Variants in C12orf42 observed in about 807,000 individuals in gnomAD.
C12orf42 encodes uncharacterized protein C12orf42.
Under a neutral mutation model 21.6 loss-of-function variants are expected in C12orf42, and 25 were observed. The ratio of observed to expected loss-of-function variants is 1.16; its 90% CI spans 0.84 to 1.62. The LOEUF (loss-of-function observed/expected upper bound fraction) is 1.62. Ranked by LOEUF, C12orf42 falls within the 40% of genes most tolerant of loss-of-function variation. The pLI is 0.00. For missense variants in C12orf42, 483 were observed against 459.3 expected (o/e 1.05, Z -0.47); for synonymous variants, 174 against 175.0 (o/e 0.99, Z 0.05).
the C12orf42 span, among the ~76,000 whole-genome samples, chr12:103,196,840 T>C: frequency 2.6e-5 from 4 of 152,136 alleles, no homozygotes; most frequent in East Asian, 7.7e-4. Context: ...ATGAAGATAA[T>C]ATACAGTTGG....
At chr12:103,116,370 G>GAAA in the C12orf42 span, among the ~76,000 whole-genome samples, 15 of 128,658 alleles carry the variant, frequency 1.2e-4, no homozygotes, top group South Asian at 7.5e-4. Flanking sequence ...ATCTCACCAA[G>GAAA]AAAAAAAAAA....
the C12orf42 span, among the ~76,000 whole-genome samples, chr12:103,119,864 T>C: frequency 3.3e-5 from 5 of 152,244 alleles, no homozygotes; most frequent in African/African-American, 1.2e-4. Context: ...GCAGTCAGTT[T>C]TGCCATTTCA....
intron 4 of C12orf42, among the ~76,000 whole-genome samples, chr12:103,292,754 TTAAA>T (rs1336778848): frequency 6.6e-6 from 1 of 152,090 alleles, no homozygotes; most frequent in Non-Finnish European, 1.5e-5. Flanking sequence ...GTATTCATCT[TTAAA>T]TATATTTTGA....
chr12:103,325,709 A>G (rs2040610679), intron 4 of C12orf42, among the ~76,000 whole-genome samples: 1 of 152,158 alleles, frequency 6.6e-6, no homozygotes, highest in Non-Finnish European at 1.5e-5. Flanking sequence ...TATTGGCCCC[A>G]ATTCTTCACC....
chr12:103,118,580 C>A, the C12orf42 span, among the ~76,000 whole-genome samples: 39 of 152,046 alleles, frequency 2.6e-4, no homozygotes, highest in Non-Finnish European at 1.2e-4. Flanking sequence ...GGGCGGATCA[C>A]GAGGTCAGGA....
intron 1 of C12orf42, among the ~76,000 whole-genome samples, chr12:103,486,738 T>C (rs890698784): frequency 1.3e-5 from 2 of 152,206 alleles, no homozygotes; most frequent in African/African-American, 4.8e-5. Context: ...ATTTTCTAGC[T>C]TATTTGTGTA....
chr12:103,284,735 C>T (rs1433001222), intron 4 of C12orf42, among the ~76,000 whole-genome samples: 3 of 152,192 alleles, frequency 2.0e-5, no homozygotes, highest in Non-Finnish European at 2.9e-5. Context: ...ACCTGGAAGG[C>T]GGCTCTATGA....
chr12:103,089,050 T>A, the C12orf42 span, among the ~76,000 whole-genome samples: 2 of 131,224 alleles, frequency 1.5e-5, no homozygotes, highest in African/African-American at 3.0e-5. Flanking sequence ...TGCAGTGAGC[T>A]GAGATCGCGC....
At position 103,473,050 on chromosome 12, in the gene C12orf42, C is replaced by G. The variant is rs996589624; in HGVS notation, c.78+5299G>C. 3.9e-5 allele frequency among the ~76,000 whole-genome samples: 6 copies of G among 152,140 alleles called. No individual in the cohort carries two copies. The South Asian group carries it at 1.0e-3, about 26-fold the overall frequency. On this transcript the variant is annotated intron_variant, in intron 2 of 5. Coordinates refer to ENST00000548883, the MANE Select transcript of C12orf42 (RefSeq NM_198521.5). ...TCATGCTATAAATCTCAGAGGAAGG[C>G]AGTGTGAGACAGACACAGAGTCAGA...
At chr12:103,322,352 ATT>A (rs144123105) in intron 4 of C12orf42, among the ~76,000 whole-genome samples, 1 of 150,610 alleles carries the variant, frequency 6.6e-6, no homozygotes, top group African/African-American at 2.4e-5. Flanking sequence ...CCTTTGATGG[ATT>A]TTTTTTTTCT....
chr12:103,119,826 C>T, the C12orf42 span, among the ~76,000 whole-genome samples: 123 of 152,336 alleles, frequency 8.1e-4, no homozygotes, highest in African/African-American at 2.8e-3. Flanking sequence ...CGAAGCCAAC[C>T]ACTGCCCTTT....
At chr12:103,048,880 C>G in the C12orf42 span, among the ~76,000 whole-genome samples, 5 of 152,150 alleles carry the variant, frequency 3.3e-5, no homozygotes, top group Admixed American at 6.5e-5. Flanking sequence ...CTTCCCTCAG[C>G]CTCCCATTTC....
intron 3 of C12orf42, among the ~76,000 whole-genome samples, chr12:103,383,422 C>T (rs2046344669): frequency 6.6e-6 from 1 of 152,062 alleles, no homozygotes; most frequent in African/African-American, 2.4e-5. Context: ...TTTAAAAGGG[C>T]ATAGTATTCT....
chr12:103,376,379 G>A (rs186050129), intron 3 of C12orf42, among the ~76,000 whole-genome samples: 104 of 152,080 alleles, frequency 6.8e-4, no homozygotes, highest in Non-Finnish European at 1.3e-3. Flanking sequence ...ACGCAGGGAG[G>A]GGAACATCAC....
intron 1 of C12orf42, among the ~76,000 whole-genome samples, chr12:103,492,459 G>T (rs1432998976): frequency 6.6e-6 from 1 of 152,136 alleles, no homozygotes; most frequent in Non-Finnish European, 1.5e-5. Context: ...CCATAAACTT[G>T]CTCCTTTCTG....
At chr12:103,321,626 CAAT>C (rs2040136932) in intron 4 of C12orf42, among the ~76,000 whole-genome samples, 1 of 142,140 alleles carries the variant, frequency 7.0e-6, no homozygotes, top group African/African-American at 2.7e-5. Context: ...AAATGTCCAA[CAAT>C]GATAGACTGG....
chr12:103,295,264 T>C (rs1195153833), intron 4 of C12orf42, among the ~76,000 whole-genome samples: 1 of 152,156 alleles, frequency 6.6e-6, no homozygotes, highest in Non-Finnish European at 1.5e-5. Flanking sequence ...TCCCTTCCCT[T>C]GTCTGGGTAG....
At chr12:103,083,747 A>G in the C12orf42 span, among the ~76,000 whole-genome samples, 1 of 152,226 alleles carries the variant, frequency 6.6e-6, no homozygotes, top group African/African-American at 2.4e-5. Flanking sequence ...TGATTTGGTC[A>G]GTAAATATAT....
chr12:103,439,641 A>G (rs1226330149), intron 2 of C12orf42, among the ~76,000 whole-genome samples: 1 of 150,842 alleles, frequency 6.6e-6, no homozygotes, highest in African/African-American at 2.4e-5. Context: ...TATGCAGCCA[A>G]AAAACACATG....
Sources: allele counts gnomAD v4.1 joint callset (sites outside exome capture counted in the v4.1 genomes callset), GRCh38; gene constraint gnomAD v4.1.1; transcripts MANE v1.5; gene names NCBI Gene and HGNC (gene_info 2026-07-23, HGNC 2026-07-21).